Variants in CFAP300 observed in about 807,000 individuals in gnomAD.
CFAP300 encodes cilia- and flagella-associated protein 300.
In CFAP300, 32 loss-of-function variants were observed where a neutral mutation model predicts 33.0. That is an observed-to-expected ratio of 0.97 (90% CI 0.73 to 1.30). The LOEUF is 1.30. CFAP300 is among the 50% of genes most tolerant of loss of function. The pLI, the probability that CFAP300 is intolerant of heterozygous loss-of-function variation, is 0.00. For synonymous variants in CFAP300, 102 were observed against 106.8 expected (o/e 0.95, Z 0.28); for missense variants, 356 against 318.1 (o/e 1.12, Z -0.90).
At chr11:102,051,462 G>A (rs1003179806) in intron 2 of CFAP300, among the ~76,000 whole-genome samples, 3 of 152,118 alleles carry the variant, frequency 2.0e-5, no homozygotes, top group Admixed American at 2.0e-4. Flanking sequence ...CCACATCCCA[G>A]GGAGGCTGGA....
At chr11:102,079,739 AT>A (rs1942447716) in intron 5 of CFAP300, among the ~76,000 whole-genome samples, 1 of 152,260 alleles carries the variant, frequency 6.6e-6, no homozygotes, top group South Asian at 2.1e-4. Flanking sequence ...CATGTCACAC[AT>A]TAATAATACC....
At chr11:102,057,216 G>A (rs953058202) in intron 2 of CFAP300, among the ~76,000 whole-genome samples, 4 of 151,410 alleles carry the variant, frequency 2.6e-5, no homozygotes, top group African/African-American at 7.3e-5. Flanking sequence ...GCACACACCT[G>A]TAATCCCAGC....
At chr11:102,065,452 A>T (rs1942208475) in intron 3 of CFAP300, among the ~76,000 whole-genome samples, 1 of 152,012 alleles carries the variant, frequency 6.6e-6, no homozygotes, top group African/African-American at 2.4e-5. Context: ...ACACTCAAGG[A>T]CTTTACAAAT....
chr11:102,079,904 C>CT (rs1942450085), intron 5 of CFAP300, among the ~76,000 whole-genome samples: 1 of 152,096 alleles, frequency 6.6e-6, no homozygotes, highest in African/African-American at 2.4e-5. Flanking sequence ...CATTTAGCTT[C>CT]TTTAGTTATA....
At chr11:102,059,653 T>A (rs1219531535) in intron 3 of CFAP300, among the ~76,000 whole-genome samples, 1 of 151,192 alleles carries the variant, frequency 6.6e-6, no homozygotes, top group Non-Finnish European at 1.5e-5. Context: ...CCTCAAAAAC[T>A]AAAAAAAATG....
chr11:102,058,667 G>A lies in CFAP300; in HGVS notation c.193-213G>A, dbSNP rs1942094861. On this transcript the variant is annotated intron_variant, in intron 2 of 6. Coordinates refer to ENST00000434758, the MANE Select transcript of CFAP300 (RefSeq NM_032930.3). The stretch of plus-strand genomic sequence containing the variant: ...ATTATTTTCTAAATTAAGTTCCAAA[G>A]ACATCTGTACTTGGACACACAATGT... 3.3e-5 allele frequency among the ~76,000 whole-genome samples: 5 copies of A among 151,276 alleles called. No individual in the cohort carries two copies. The South Asian group carries it at 1.1e-3, about 32-fold the overall frequency.
At chr11:102,081,361 C>G (rs778135826) in intron 6 of CFAP300, 80 bp downstream of exon 6, 16 of 1,150,922 alleles carry the variant, frequency 1.4e-5, no homozygotes, top group Non-Finnish European at 1.9e-5. Context: ...AGTTAACAAT[C>G]AGGACAATGT....
chr11:102,062,518 T>G (rs1358335569), intron 3 of CFAP300, among the ~76,000 whole-genome samples: 2 of 152,194 alleles, frequency 1.3e-5, no homozygotes, highest in Non-Finnish European at 2.9e-5. Flanking sequence ...GCAAATAACT[T>G]GGATGAACTG....
chr11:102,050,339 G>A (rs528702673), intron 2 of CFAP300, among the ~76,000 whole-genome samples: 8 of 152,158 alleles, frequency 5.3e-5, no homozygotes, highest in South Asian at 2.1e-4. Context: ...TCAACAAAGG[G>A]CAGAACCCAG....
chr11:102,060,276 ATTT>A (rs773964052), intron 3 of CFAP300, among the ~76,000 whole-genome samples: 10 of 130,004 alleles, frequency 7.7e-5, no homozygotes, highest in Non-Finnish European at 1.3e-4. Context: ...CTCAGCCTAA[ATTT>A]TTTTTTTTTT....
intron 2 of CFAP300, 27 bp from the exon 3 acceptor site, chr11:102,058,853 C>A (rs1045486471): frequency 3.1e-6 from 4 of 1,307,304 alleles, no homozygotes; most frequent in Non-Finnish European, 3.2e-6. Context: ...AAATATCTAA[C>A]TTATTCCCCT....
At chr11:102,058,761 T>C in intron 2 of CFAP300, 119 bp from the exon 3 acceptor site, 1 of 637,502 alleles carries the variant, frequency 1.6e-6, no homozygotes, top group Non-Finnish European at 2.7e-6. Flanking sequence ...TCAGACATTT[T>C]ACCAATTTAA....
At chr11:102,054,844 T>C (rs535065461) in intron 2 of CFAP300, among the ~76,000 whole-genome samples, 1 of 151,234 alleles carries the variant, frequency 6.6e-6, no homozygotes, top group South Asian at 2.1e-4. Flanking sequence ...AAAATGAAAC[T>C]ATTTATAGTA....
chr11:102,084,293 T>C lies in CFAP300; in HGVS notation c.*1094T>C, dbSNP rs1942516351. 1.3e-5 allele frequency: 2 copies of C among 152,174 alleles called. No homozygotes were observed. The highest frequency in any genetic ancestry group is 4.8e-5 in the African/African-American group (2 of 41,440). 9.4% of individuals were successfully genotyped at this position (152,174 alleles called of 1,614,324 possible). On this transcript the variant is annotated 3_prime_UTR_variant, in exon 7 of 7. Transcript: ENST00000434758. ...GGTCATGGGAAGCCTGTAAGAAATG[T>C]TGAGGTTTGAGGAGGAGCAAGTTTG...
chr11:102,062,814 T>C lies in CFAP300; in HGVS notation c.269-3671T>C, dbSNP rs567399019. On this transcript the variant is annotated intron_variant, in intron 3 of 6. Transcript: ENST00000434758. ...ATAAAGAGATCATGGGTATGACTTA[T>C]GGACTTAATGAGCCATTTCAACAGA... Among the ~76,000 whole-genome samples the C allele has an allele frequency of 2.6e-5, 4 of 152,292 alleles. No individual in the cohort carries two copies. The South Asian group carries it at 6.2e-4, about 24-fold the overall frequency.
intron 2 of CFAP300, among the ~76,000 whole-genome samples, chr11:102,051,481 CTAAGCTAAGCA>C (rs1481762781): frequency 6.6e-6 from 1 of 152,100 alleles, no homozygotes; most frequent in Non-Finnish European, 1.5e-5. Flanking sequence ...GAAATGCAGA[CTAAGCTAAGCA>C]TATTGCTGTC....
chr11:102,077,549 C>T (rs1015958071), intron 5 of CFAP300, among the ~76,000 whole-genome samples: 2 of 152,114 alleles, frequency 1.3e-5, no homozygotes, highest in African/African-American at 4.8e-5. Flanking sequence ...CTATAAAACA[C>T]ACCTTTTTTA....
intron 2 of CFAP300, among the ~76,000 whole-genome samples, chr11:102,055,578 C>G (rs1387043638): frequency 1.3e-5 from 2 of 150,520 alleles, no homozygotes; most frequent in East Asian, 3.9e-4. Flanking sequence ...AGGCTGGTCT[C>G]GAACTCCTGA....
intron 3 of CFAP300, among the ~76,000 whole-genome samples, chr11:102,059,898 G>A (rs1404606670): frequency 6.7e-6 from 1 of 149,300 alleles, no homozygotes; most frequent in Non-Finnish European, 1.5e-5. Context: ...CAATTCTCAT[G>A]CCTCAGCCTC....
Sources: gnomAD v4.1 joint callset for allele counts (sites outside exome capture counted in the v4.1 genomes callset) on GRCh38, gnomAD v4.1.1 for gene constraint, MANE v1.5 for transcripts, NCBI Gene and HGNC (gene_info 2026-07-23, HGNC 2026-07-21) for gene names.